The following ARHGAP39 variants were observed in gnomAD, a reference collection of about 807,000 sequenced individuals.
ARHGAP39 encodes Rho GTPase activating protein 39.
A neutral mutation model predicts 106.9 loss-of-function variants in ARHGAP39; 44 were observed. The ratio of observed to expected loss-of-function variants is 0.41; its 90% CI spans 0.32 to 0.53. ARHGAP39 has a LOEUF of 0.53. Among genes scored for constraint, ARHGAP39 ranks in the 20% least tolerant of loss-of-function variants. ARHGAP39 has a pLI of 0.21. For synonymous variants in ARHGAP39, 768 were observed against 693.2 expected (o/e 1.11, Z -1.69); for missense variants, 1,496 against 1,577.3 (o/e 0.95, Z 0.87).
At chr8:144,532,498 G>A (rs1586869773) in intron 9 of ARHGAP39, 102 bp from the exon 10 acceptor site, 4 of 1,114,992 alleles carry the variant, frequency 3.6e-6, no homozygotes, top group East Asian at 5.2e-5. Context: ...ACCCGGGGAG[G>A]GGAGCAAAAC....
In ARHGAP39 at chr8:144,548,075, G is replaced by A. The variant is rs965236981; in HGVS notation, c.1011C>T (p.Gly337=). The A allele has an allele frequency of 4.4e-6, 7 of 1,594,448 alleles. No individual in the cohort carries two copies. Among genetic ancestry groups the A allele is most frequent in the Admixed American group, 3.4e-5 (2 of 58,604 alleles). Residue 337 remains glycine, a synonymous_variant, in exon 5 of 12, where the codon GGC becomes GGT. Transcript: ENST00000377307. This position sits in a 1 kb window ranked among gnomAD's most constrained non-coding sequence, Gnocchi z 7.4. Reference sequence around the variant, plus strand: ...GGGGAGAGCCGGCCTGGTAGCCCCCGCCAGCCTCGAATTGCACGTCCATGG... The same window carrying A: ...GGGGAGAGCCGGCCTGGTAGCCCCCACCAGCCTCGAATTGCACGTCCATGG... ...EPPMDVQFEA[G]GGYQAGSPQR...
chr8:144,586,812 GACAGCAGCCATC>G lies in ARHGAP39; in HGVS notation c.81-5547_81-5536del, dbSNP rs1357936683. Among the ~76,000 whole-genome samples, 1 of 152,182 alleles carries G rather than the reference GACAGCAGCCATC, an allele frequency of 6.6e-6. No individual in the cohort carries two copies. The highest frequency in any genetic ancestry group is 1.5e-5 in the Non-Finnish European group (1 of 68,034). On this transcript the variant is annotated intron_variant, in intron 2 of 11. Transcript: ENST00000377307. This position sits in a 1 kb window ranked among gnomAD's most constrained non-coding sequence, Gnocchi z 4.2. Reference sequence around the variant, plus strand: ...GGGCTGCTGTCGGTCTGCTCTGCAGGACAGCAGCCATCAGCAACCCTACATGGCTGCACGCCC... The same window carrying G: ...GGGCTGCTGTCGGTCTGCTCTGCAGGAGCAACCCTACATGGCTGCACGCCC...
At chr8:144,639,220 GGA>G (rs1254591204) in intron 1 of ARHGAP39, among the ~76,000 whole-genome samples, 1 of 151,718 alleles carries the variant, frequency 6.6e-6, no homozygotes, top group African/African-American at 2.4e-5. Context: ...CCGCTACTTG[GGA>G]GGCTGAGGCA....
At chr8:144,570,555 G>A (rs1444903060) in intron 3 of ARHGAP39, among the ~76,000 whole-genome samples, 1 of 152,130 alleles carries the variant, frequency 6.6e-6, no homozygotes, top group Admixed American at 6.5e-5. Context: ...GCAGGAAAAC[G>A]ATTCCAAACT....
intron 6 of ARHGAP39, among the ~76,000 whole-genome samples, chr8:144,539,965 C>T (rs936750451): frequency 5.3e-5 from 8 of 152,304 alleles, no homozygotes; most frequent in South Asian, 2.1e-4. Context: ...TTAATCTATG[C>T]GTCGATTTGG....
At chr8:144,618,240 C>T (rs2130963294) in intron 1 of ARHGAP39, among the ~76,000 whole-genome samples, 1 of 152,360 alleles carries the variant, frequency 6.6e-6, no homozygotes, top group African/African-American at 2.4e-5. Context: ...CCGCCCTCTC[C>T]CAGACTGGGG....
At position 144,547,469 on chromosome 8, in the gene ARHGAP39, C is replaced by A. The variant is rs779484721; in HGVS notation, c.1617G>T (p.Ala539=). ...CCCGCGCCCCTTCGGCCTCACCTTC[C>A]GCTCGCTTCACGGGGGCGAGGCTGG... The part of the protein sequence containing the change: ...CGTSLAPVKR[A]EGEAEGARGA... The change falls in exon 5 of 12, where the codon GCG becomes GCT. Residue 539 remains alanine (A), a synonymous_variant. Transcript: ENST00000377307. The surrounding 1 kb of genome is among the most constrained non-coding windows in gnomAD (Gnocchi z 5.2). 2.6e-6 allele frequency: 4 copies of A among 1,550,534 alleles called. No homozygotes were observed. The highest frequency in any genetic ancestry group is 2.6e-6 in the Non-Finnish European group (3 of 1,153,682).
chr8:144,685,017 C>T (rs1010805173), intron 1 of ARHGAP39, among the ~76,000 whole-genome samples: 4 of 152,200 alleles, frequency 2.6e-5, no homozygotes, highest in Non-Finnish European at 5.9e-5. Context: ...CCCACTCCGA[C>T]GGCGCCCGGG....
chr8:144,617,998 C>G (rs1178846346), intron 1 of ARHGAP39, among the ~76,000 whole-genome samples: 1 of 152,032 alleles, frequency 6.6e-6, no homozygotes, highest in Non-Finnish European at 1.5e-5. Context: ...CCCAGGCTGG[C>G]CTTGAACTTC....
intron 1 of ARHGAP39, among the ~76,000 whole-genome samples, chr8:144,608,115 C>T (rs1820360205): frequency 6.9e-6 from 1 of 145,316 alleles, no homozygotes; most frequent in Non-Finnish European, 1.5e-5. Context: ...CGGGATCGTG[C>T]CACTGTACTC....
At chr8:144,694,569 G>T in the ARHGAP39 span, among the ~76,000 whole-genome samples, 2 of 152,182 alleles carry the variant, frequency 1.3e-5, no homozygotes, top group African/African-American at 4.8e-5. Flanking sequence ...GTCAGCTTTC[G>T]CTGAGTTGTG....
chr8:144,584,820 C>A (rs1819120937), intron 2 of ARHGAP39, among the ~76,000 whole-genome samples: 1 of 150,864 alleles, frequency 6.6e-6, no homozygotes, highest in African/African-American at 2.5e-5. Flanking sequence ...GAGCTCCCAG[C>A]TGGCTTTGCT....
Position 144,547,809 on chromosome 8 carries a change from G to T in ARHGAP39, c.1277C>A (p.Ser426Ter). ...HKYAPNPGGG[S>*]YSLQPSPCLL... is the part of the protein sequence containing the mutation. ...GCAGGGGCTGGGCTGCAAGGAGTAC[G>T]AACCACCGCCGGGGTTGGGCGCGTA... The change falls in exon 5 of 12, where the codon TCG becomes TAG. Residue 426 changes from serine to a stop codon, truncating the protein, a stop_gained. Coordinates refer to ENST00000377307, the MANE Select transcript of ARHGAP39 (RefSeq NM_025251.3). LOFTEE classifies it high-confidence loss of function. This position sits in a 1 kb window ranked among gnomAD's most constrained non-coding sequence, Gnocchi z 5.2. 6.3e-7 allele frequency: 1 copy of T among 1,592,758 alleles called. No homozygotes were observed. The highest frequency in any genetic ancestry group is 1.1e-5 in the South Asian group (1 of 88,906).
intron 7 of ARHGAP39, among the ~76,000 whole-genome samples, chr8:144,536,254 T>TA (rs1161843782): frequency 2.6e-5 from 4 of 152,100 alleles, no homozygotes; most frequent in African/African-American, 9.7e-5. Context: ...GCAGCTCTCC[T>TA]AAGGCCTGTG....
At position 144,612,070 on chromosome 8, in the gene ARHGAP39, T is replaced by C. The variant is rs541603587; in HGVS notation, c.-81-6375A>G. Among the ~76,000 whole-genome samples the C allele has an allele frequency of 1.3e-4, 20 of 151,332 alleles. No homozygotes were observed. In the East Asian group the frequency reaches 3.1e-3, roughly 23 times the overall value. ...ATTCCTTGAACCCAAGAGGTCAAAG[T>C]TGCAGTGAGCCACGGCTGCACCACT... On this transcript the variant is annotated intron_variant, in intron 1 of 11. Transcript: ENST00000377307.
chr8:144,587,918 C>T (rs371988984), intron 2 of ARHGAP39, among the ~76,000 whole-genome samples: 2 of 152,222 alleles, frequency 1.3e-5, no homozygotes, highest in East Asian at 1.9e-4. Context: ...GTTGGGATTA[C>T]AGGCGTGAGC....
chr8:144,600,147 CTACCTG>C (rs1372120903), intron 2 of ARHGAP39, among the ~76,000 whole-genome samples: 1 of 150,688 alleles, frequency 6.6e-6, no homozygotes, highest in Non-Finnish European at 1.5e-5. Context: ...GCTCATGTAC[CTACCTG>C]TGTGTGTGCG....
chr8:144,548,512 C>T lies in ARHGAP39; in HGVS notation c.597-23G>A. The T allele has an allele frequency of 1.3e-6, 2 of 1,598,874 alleles. No homozygotes were observed. The highest frequency in any genetic ancestry group is 1.7e-6 in the Non-Finnish European group (2 of 1,175,212). On this transcript the variant is annotated intron_variant, in intron 4 of 11. Transcript: ENST00000377307. The surrounding 1 kb of genome is among the most constrained non-coding windows in gnomAD (Gnocchi z 7.4). ...GTCCTGCGTGGGGGGTGGACGGGCA[C>T]AGGTGACTGCCTGCCTGCTGCTTCT...
At chr8:144,660,391 G>A (rs1312084878) in intron 1 of ARHGAP39, among the ~76,000 whole-genome samples, 3 of 152,156 alleles carry the variant, frequency 2.0e-5, no homozygotes, top group African/African-American at 7.2e-5. Context: ...GCCAGCCAAG[G>A]TCACATCACT....
Sources: allele counts gnomAD v4.1 joint callset (sites outside exome capture counted in the v4.1 genomes callset), GRCh38; gene constraint gnomAD v4.1.1; non-coding constraint Gnocchi (gnomAD v3.1); transcripts MANE v1.5; gene names NCBI Gene and HGNC (gene_info 2026-07-23, HGNC 2026-07-21).